Variants in METTL16 observed in about 807,000 individuals in gnomAD.
METTL16 encodes the protein methyltransferase 16, RNA N6-adenosine.
In METTL16, 19 loss-of-function variants were observed where a neutral mutation model predicts 57.9. The ratio of observed to expected loss-of-function variants is 0.33; its 90% confidence interval spans 0.23 to 0.48. METTL16 has a LOEUF of 0.48. Ranked by LOEUF, METTL16 falls within the 20% of genes least tolerant of loss-of-function variation. The pLI, the probability that METTL16 is intolerant of heterozygous loss-of-function variation, is 0.99. For missense variants in METTL16, 434 were observed against 691.5 expected, an observed-to-expected ratio of 0.63 and a Z score of 4.18; for synonymous variants, 246 against 255.6, an observed-to-expected ratio of 0.96 and a Z score of 0.36.
intron 6 of METTL16, among the ~76,000 whole-genome samples, chr17:2,444,707 T>C (rs2066981301): frequency 6.6e-6 from 1 of 150,810 alleles, no homozygotes; most frequent in Admixed American, 6.6e-5. Context: ...CCTACACAGA[T>C]GGACCATTTT....
At chr17:2,462,226 A>G (rs562219078) in intron 6 of METTL16, among the ~76,000 whole-genome samples, 6 of 152,350 alleles carry the variant, frequency 3.9e-5, no homozygotes, top group Non-Finnish European at 7.3e-5. Flanking sequence ...AGCCAGTCAT[A>G]AAAGGACAAA....
At chr17:2,444,681 C>A (rs1467332523) in intron 6 of METTL16, among the ~76,000 whole-genome samples, 1 of 151,766 alleles carries the variant, frequency 6.6e-6, no homozygotes, top group Non-Finnish European at 1.5e-5. Context: ...CTGCAAGCTC[C>A]ACTCATGGTA....
At chr17:2,507,063 C>T (rs1181750861) in intron 1 of METTL16, among the ~76,000 whole-genome samples, 3 of 151,306 alleles carry the variant, frequency 2.0e-5, no homozygotes, top group African/African-American at 4.9e-5. Flanking sequence ...CCACCCCGTC[C>T]GGGAGGGAGG....
chr17:2,452,136 C>CAAAAAAAA, intron 6 of METTL16, among the ~76,000 whole-genome samples: 1 of 62,174 alleles, frequency 1.6e-5, no homozygotes, highest in Non-Finnish European at 4.3e-5. Flanking sequence ...GCCCTTGTCT[C>CAAAAAAAA]AAAAAAAAAA....
intron 2 of METTL16, among the ~76,000 whole-genome samples, chr17:2,480,989 G>A (rs925798041): frequency 2.0e-5 from 3 of 152,130 alleles, no homozygotes; most frequent in Non-Finnish European, 4.4e-5. Flanking sequence ...GATCACTTGA[G>A]GTCAGGAGTT....
chr17:2,464,936 T>G (rs2067180268), intron 5 of METTL16, among the ~76,000 whole-genome samples: 1 of 152,062 alleles, frequency 6.6e-6, no homozygotes, highest in African/African-American at 2.4e-5. Context: ...TTGGACTTCA[T>G]CCGAATTAAA....
intron 2 of METTL16, among the ~76,000 whole-genome samples, chr17:2,483,661 AG>A (rs1408329970): frequency 6.6e-6 from 1 of 152,230 alleles, no homozygotes; most frequent in South Asian, 2.1e-4. Context: ...CATAAAAAAA[AG>A]ATTTGCACTA....
In METTL16 at chr17:2,418,248, A is replaced by G. The variant is rs1227770322; in HGVS notation, c.*1722T>C. ...CATGCTCACAGAGCTTTTAGAAGTA[A>G]CTCTAGGAGGTACATGGACTCTCTG... is the stretch of plus-strand genomic sequence containing the variant. On this transcript the variant is annotated 3_prime_UTR_variant, in exon 10 of 10. Transcript: ENST00000263092. 1 of 151,742 alleles carries G rather than the reference A, an allele frequency of 6.6e-6. No homozygotes were observed. The highest frequency in any genetic ancestry group is 1.5e-5 in the Non-Finnish European group (1 of 67,948). The allele number at this position is 151,742 out of a possible 1,614,324, so 9.4% of individuals were successfully genotyped here.
Position 2,500,233 on chromosome 17 carries a change from T to G in METTL16, c.128+1971A>C, listed in dbSNP as rs534919961. Among the ~76,000 whole-genome samples, 463 of 152,198 alleles carry G rather than the reference T, an allele frequency of 3.0e-3. 4 individuals are homozygous for G. Among genetic ancestry groups the G allele is most frequent in the African/African-American group, 0.011 (442 of 41,550 alleles). Reference sequence around the variant, plus strand: ...AAGAGGGCTTAGAGTAAAGAAGAGGTGAAGAAAATGCCTCAAGCCCTATGA... The same window carrying G: ...AAGAGGGCTTAGAGTAAAGAAGAGGGGAAGAAAATGCCTCAAGCCCTATGA... On this transcript the variant is annotated intron_variant, in intron 2 of 9. Transcript: ENST00000263092.
intron 4 of METTL16, among the ~76,000 whole-genome samples, chr17:2,472,843 G>T (rs1402743007): frequency 6.6e-6 from 1 of 152,102 alleles, no homozygotes; most frequent in Non-Finnish European, 1.5e-5. Flanking sequence ...GGGGTTGGGG[G>T]CAGTGAGAGA....
rs73976528 is a variant in METTL16 at position 2,433,973 on chromosome 17, C to T, written c.888+4136G>A. 5.1e-3 allele frequency among the ~76,000 whole-genome samples: 779 copies of T among 152,310 alleles called. 5 individuals are homozygous for T. Among genetic ancestry groups the T allele is most frequent in the African/African-American group, 0.018 (731 of 41,564 alleles). ...ACTCACATGCAAATCTGCTGCAGAT[C>T]GGGATCAATAGCTCCACGTGTTTTT... On this transcript the variant is annotated intron_variant, in intron 8 of 9. Transcript: ENST00000263092.
At chr17:2,477,315 G>T (rs1467237243) in intron 3 of METTL16, 1 of 205,796 alleles carries the variant, frequency 4.9e-6, no homozygotes, top group Non-Finnish European at 1.0e-5. Flanking sequence ...GGGAGAAAAG[G>T]CCAGGTGTAG....
intron 2 of METTL16, among the ~76,000 whole-genome samples, chr17:2,489,732 C>CAAAAAAAAAA (rs61506042): frequency 0.75 from 44,994 of 59,644 alleles, 19,325 homozygotes; most frequent in Non-Finnish European, 0.84. Context: ...GAGCGAGACT[C>CAAAAAAAAAA]AAAAAAAAAA....
At chr17:2,494,915 T>C (rs1248946577) in intron 2 of METTL16, among the ~76,000 whole-genome samples, 1 of 151,980 alleles carries the variant, frequency 6.6e-6, no homozygotes, top group East Asian at 1.9e-4. Context: ...GAGGAATCGT[T>C]TGAACCCGGG....
chr17:2,448,227 C>T (rs1340205118), intron 6 of METTL16, among the ~76,000 whole-genome samples: 1 of 148,130 alleles, frequency 6.8e-6, no homozygotes, highest in Non-Finnish European at 1.5e-5. Flanking sequence ...CCGGCCACGA[C>T]CCCGTCTGGG....
At chr17:2,428,602 T>TATATATATATGTTAAA (rs376112549) in intron 8 of METTL16, among the ~76,000 whole-genome samples, 5 of 94,994 alleles carry the variant, frequency 5.3e-5, no homozygotes, top group Non-Finnish European at 7.7e-5. Flanking sequence ...TATATATATA[T>TATATATATATGTTAAA]AAATTGTAAT....
At chr17:2,506,451 G>A (rs1351625913) in intron 1 of METTL16, among the ~76,000 whole-genome samples, 1 of 151,832 alleles carries the variant, frequency 6.6e-6, no homozygotes, top group African/African-American at 2.4e-5. Flanking sequence ...ACGCCTGACT[G>A]GTTTTCGTAT....
At chr17:2,471,343 G>C (rs1439786268) in intron 4 of METTL16, among the ~76,000 whole-genome samples, 1 of 152,054 alleles carries the variant, frequency 6.6e-6, no homozygotes, top group Non-Finnish European at 1.5e-5. Flanking sequence ...GCTAATTTTT[G>C]TATTTTTAGT....
At position 2,419,529 on chromosome 17, in the gene METTL16, C is replaced by G; in HGVS notation, c.*441G>C. ...CCCCATCTTGAAGAGTGACCTAGAA[C>G]AGGGTACCAGGGCCTCCAGCTGGAG... On this transcript the variant is annotated 3_prime_UTR_variant, in exon 10 of 10. Coordinates refer to ENST00000263092, the MANE Select transcript of METTL16 (RefSeq NM_024086.4). 2.3e-6 allele frequency: 1 copy of G among 441,726 alleles called. No individual in the cohort carries two copies. The highest frequency in any genetic ancestry group is 4.5e-6 in the Non-Finnish European group (1 of 221,228). The allele number at this position is 441,726 out of a possible 1,614,324, so 27.4% of individuals were successfully genotyped here.
Sources: gnomAD v4.1 joint callset for allele counts (sites outside exome capture counted in the v4.1 genomes callset) on GRCh38, gnomAD v4.1.1 for gene constraint, MANE v1.5 for transcripts, NCBI Gene and HGNC (gene_info 2026-07-23, HGNC 2026-07-21) for gene names.